ADAMTSL1: variants seen among roughly 807,000 people sequenced by gnomAD.
ADAMTSL1 encodes the protein ADAMTS like 1.
A neutral mutation model predicts 201.8 loss-of-function variants in ADAMTSL1; 126 were observed. That is an observed-to-expected ratio of 0.62 (90% CI 0.54 to 0.72). ADAMTSL1 has a LOEUF of 0.72. Among genes scored for constraint, ADAMTSL1 ranks in the 30% least tolerant of loss-of-function variants. The pLI, the probability that ADAMTSL1 is intolerant of heterozygous loss-of-function variation, is 0.00. For synonymous variants in ADAMTSL1, 1,121 were observed against 903.4 expected, an observed-to-expected ratio of 1.24 and a Z score of -4.32; for missense variants, 2,679 against 2,277.8, an observed-to-expected ratio of 1.18 and a Z score of -3.59.
chr9:18,387,698 A>C (rs575792624), intron 2 of ADAMTSL1, among the ~76,000 whole-genome samples: 8 of 152,212 alleles, frequency 5.3e-5, no homozygotes, highest in African/African-American at 1.7e-4. Flanking sequence ...AATAACATTA[A>C]CTATAAAATG....
intron 1 of ADAMTSL1, among the ~76,000 whole-genome samples, chr9:17,990,211 G>A (rs1003715011): frequency 1.1e-4 from 17 of 152,046 alleles, no homozygotes; most frequent in South Asian, 8.3e-4. Flanking sequence ...GTTATCTTCC[G>A]TCATATGTCT....
intron 1 of ADAMTSL1, among the ~76,000 whole-genome samples, chr9:18,112,940 A>C (rs1373060239): frequency 6.6e-6 from 1 of 152,134 alleles, no homozygotes; most frequent in Non-Finnish European, 1.5e-5. Context: ...ATGTGGCTTG[A>C]ACTTGTACAG....
At chr9:18,147,556 G>T (rs1826698826) in intron 1 of ADAMTSL1, among the ~76,000 whole-genome samples, 1 of 152,040 alleles carries the variant, frequency 6.6e-6, no homozygotes, top group African/African-American at 2.4e-5. Context: ...CTTTACACTG[G>T]TAAGGCTACC....
intron 23 of ADAMTSL1, among the ~76,000 whole-genome samples, chr9:18,848,426 T>G (rs1826270421): frequency 6.6e-6 from 1 of 152,266 alleles, no homozygotes; most frequent in African/African-American, 2.4e-5. Context: ...TCTTTGCTAT[T>G]CAGACCTAGC....
At chr9:18,571,111 A>T (rs1376835699) in intron 3 of ADAMTSL1, among the ~76,000 whole-genome samples, 1 of 152,168 alleles carries the variant, frequency 6.6e-6, no homozygotes, top group South Asian at 2.1e-4. Context: ...AACCAACACA[A>T]TTTATTGAAC....
At chr9:18,337,265 G>C (rs1297681987) in intron 2 of ADAMTSL1, among the ~76,000 whole-genome samples, 2 of 152,084 alleles carry the variant, frequency 1.3e-5, no homozygotes, top group Non-Finnish European at 2.9e-5. Flanking sequence ...TTACACTTGT[G>C]GTTTGCCAGG....
At chr9:18,340,556 GT>G (rs1186869176) in intron 2 of ADAMTSL1, among the ~76,000 whole-genome samples, 1 of 152,012 alleles carries the variant, frequency 6.6e-6, no homozygotes, top group Non-Finnish European at 1.5e-5. Context: ...GATATGTTTT[GT>G]CTCTGTCTCC....
At chr9:18,744,120 A>T (rs142686543) in intron 15 of ADAMTSL1, among the ~76,000 whole-genome samples, 2 of 152,360 alleles carry the variant, frequency 1.3e-5, no homozygotes, top group East Asian at 3.9e-4. Flanking sequence ...GATAACATAA[A>T]CAGTCTTTGG....
chr9:18,747,729 T>C (rs1306065736), intron 15 of ADAMTSL1, among the ~76,000 whole-genome samples: 1 of 152,190 alleles, frequency 6.6e-6, no homozygotes. Flanking sequence ...AGCTGGATTG[T>C]GGTCACGTCA....
chr9:18,857,261 T>C (rs1431481631), intron 23 of ADAMTSL1, among the ~76,000 whole-genome samples: 2 of 152,252 alleles, frequency 1.3e-5, no homozygotes, highest in African/African-American at 4.8e-5. Flanking sequence ...CCAGTGCATA[T>C]TCCTTCAAGG....
chr9:18,722,640 G>A (rs1833462061), intron 15 of ADAMTSL1, among the ~76,000 whole-genome samples: 1 of 152,180 alleles, frequency 6.6e-6, no homozygotes, highest in South Asian at 2.1e-4. Flanking sequence ...CCAATCACAT[G>A]GAGGCACATC....
intron 1 of ADAMTSL1, among the ~76,000 whole-genome samples, chr9:18,144,365 C>G (rs183466114): frequency 1.3e-5 from 2 of 152,092 alleles, no homozygotes; most frequent in Non-Finnish European, 2.9e-5. Context: ...ACCATCAAAC[C>G]TGGCTAATTT....
At chr9:18,485,377 C>T (rs537977862) in intron 1 of ADAMTSL1, among the ~76,000 whole-genome samples, 57 of 152,348 alleles carry the variant, frequency 3.7e-4, no homozygotes, top group South Asian at 1.4e-3. Flanking sequence ...TGTGTCAACA[C>T]ATACTTTGTC....
intron 3 of ADAMTSL1, among the ~76,000 whole-genome samples, chr9:18,544,019 T>A (rs1820326997): frequency 6.6e-6 from 1 of 152,214 alleles, no homozygotes; most frequent in Non-Finnish European, 1.5e-5. Context: ...GTATGAACAC[T>A]CGTCAGTGGA....
At chr9:18,314,443 C>T (rs1399679815) in intron 2 of ADAMTSL1, among the ~76,000 whole-genome samples, 3 of 152,020 alleles carry the variant, frequency 2.0e-5, no homozygotes, top group African/African-American at 7.2e-5. Flanking sequence ...ATCTCGCTGA[C>T]TTCAGGAGTG....
chr9:18,287,540 A>G lies in ADAMTSL1; in HGVS notation c.207+123559A>G, dbSNP rs188677401. ...TAATATATTTACATATATGTAAAATACATATACATACATGTAGAAATATTA... is the reference window on the plus strand; with the variant it reads ...TAATATATTTACATATATGTAAAATGCATATACATACATGTAGAAATATTA... On this transcript the variant is annotated intron_variant, in intron 2 of 29. Coordinates refer to the ADAMTSL1 transcript ENST00000680146. 1.7e-4 allele frequency among the ~76,000 whole-genome samples: 26 copies of G among 151,362 alleles called. No individual in the cohort carries two copies. In the East Asian group the frequency reaches 4.3e-3, roughly 25 times the overall value.
rs370798459 is a variant in ADAMTSL1 at position 18,131,374 on chromosome 9, C to T, written c.88-32488C>T. Among the ~76,000 whole-genome samples, 14 of 152,272 alleles carry T rather than the reference C, an allele frequency of 9.2e-5. No homozygotes were observed. The East Asian group carries it at 2.5e-3, about 27-fold the overall frequency. On this transcript the variant is annotated intron_variant, in intron 1 of 29. Transcript: ENST00000680146. ...TAAATAAAGCTGGCATCTCCAAGAA[C>T]ATGACCACAGCATTACTGAAGTCAA... is the stretch of plus-strand genomic sequence containing the variant.
At chr9:18,790,734 TAAAG>T (rs1042877924) in intron 19 of ADAMTSL1, among the ~76,000 whole-genome samples, 9 of 152,136 alleles carry the variant, frequency 5.9e-5, no homozygotes, top group African/African-American at 2.2e-4. Flanking sequence ...AGCTTACAAA[TAAAG>T]GCCCCCAGAA....
At chr9:18,469,045 C>T (rs944910042) in intron 2 of ADAMTSL1, among the ~76,000 whole-genome samples, 2 of 152,226 alleles carry the variant, frequency 1.3e-5, no homozygotes, top group African/African-American at 4.8e-5. Flanking sequence ...AAGCAGGAGT[C>T]TTACCTTTCT....
Sources: allele counts gnomAD v4.1 joint callset (sites outside exome capture counted in the v4.1 genomes callset), GRCh38; gene constraint gnomAD v4.1.1; transcripts MANE v1.5; gene names NCBI Gene and HGNC (gene_info 2026-07-23, HGNC 2026-07-21).